Variants in FHIT observed in about 807,000 individuals in gnomAD.
FHIT encodes the protein bis(5'-adenosyl)-triphosphatase.
A neutral mutation model predicts 17.9 loss-of-function variants in FHIT; 19 were observed. The ratio of observed to expected loss-of-function variants is 1.06; its 90% CI spans 0.74 to 1.56. The LOEUF (loss-of-function observed/expected upper bound fraction) is 1.56, where lower values mean the gene tolerates loss of function less well. FHIT is among the 40% of genes most tolerant of loss of function. FHIT has a pLI of 0.00. For missense variants in FHIT, 248 were observed against 189.2 expected (o/e 1.31, Z -1.82); for synonymous variants, 81 against 69.7 (o/e 1.16, Z -0.81).
intron 5 of FHIT, among the ~76,000 whole-genome samples, chr3:60,345,131 G>A (rs1052682376): frequency 3.3e-5 from 5 of 152,092 alleles, no homozygotes; most frequent in African/African-American, 1.2e-4. Flanking sequence ...GTGTCATACT[G>A]GTAATGAACA....
chr3:60,333,604 C>T (rs548281090), intron 5 of FHIT, among the ~76,000 whole-genome samples: 2 of 152,070 alleles, frequency 1.3e-5, no homozygotes, highest in South Asian at 2.1e-4. Context: ...TATTGCATGT[C>T]ATATATATAC....
At chr3:60,915,709 G>C (rs1019496113) in intron 3 of FHIT, among the ~76,000 whole-genome samples, 16 of 152,136 alleles carry the variant, frequency 1.1e-4, no homozygotes, top group African/African-American at 3.9e-4. Context: ...AAACTTTTAG[G>C]TGTTCTAAAA....
intron 8 of FHIT, among the ~76,000 whole-genome samples, chr3:59,856,034 G>T (rs1341890099): frequency 6.6e-6 from 1 of 152,096 alleles, no homozygotes; most frequent in Non-Finnish European, 1.5e-5. Flanking sequence ...ACCCGCCTCG[G>T]CCTCCCAAAG....
rs139217610 is a variant in FHIT at position 60,188,457 on chromosome 3, T to C, written c.104-174305A>G. 4.6e-3 allele frequency among the ~76,000 whole-genome samples: 694 copies of C among 152,234 alleles called. 9 individuals carry two copies. The highest frequency in any genetic ancestry group is 0.017 in the Middle Eastern group (5 of 294). Reference sequence around the variant, plus strand: ...ATTATACACAACCAAGAGTTTAAATTGGATTCAATGTGTGTATGCTTTCCG... The same window carrying C: ...ATTATACACAACCAAGAGTTTAAATCGGATTCAATGTGTGTATGCTTTCCG... On this transcript the variant is annotated intron_variant, in intron 5 of 9. Transcript: ENST00000492590.
At chr3:60,218,089 T>A (rs895544485) in intron 5 of FHIT, among the ~76,000 whole-genome samples, 6 of 152,286 alleles carry the variant, frequency 3.9e-5, no homozygotes, top group East Asian at 1.9e-4. Flanking sequence ...TTTAAAAAAA[T>A]TTTAATTTCT....
At chr3:59,808,093 A>AC (rs57955915) in intron 8 of FHIT, among the ~76,000 whole-genome samples, 8,471 of 151,144 alleles carry the variant, frequency 0.056, 800 homozygotes, top group African/African-American at 0.19. Context: ...CCTTTCCCCT[A>AC]CCCCCCCAGT....
At chr3:59,841,924 A>G (rs549333350) in intron 8 of FHIT, among the ~76,000 whole-genome samples, 9 of 152,178 alleles carry the variant, frequency 5.9e-5, no homozygotes, top group African/African-American at 2.2e-4. Flanking sequence ...AAAATTTACT[A>G]TCTTGGCTAT....
intron 2 of FHIT, among the ~76,000 whole-genome samples, chr3:61,141,139 G>T (rs80201094): frequency 0.027 from 4,091 of 151,960 alleles, 67 homozygotes; most frequent in Middle Eastern, 0.041. Context: ...CTGTTTTAGG[G>T]AGATGTGAAG....
At chr3:60,535,121 G>A (rs1229121804) in intron 5 of FHIT, among the ~76,000 whole-genome samples, 1 of 152,198 alleles carries the variant, frequency 6.6e-6, no homozygotes, top group East Asian at 1.9e-4. Context: ...CTACTTGGGA[G>A]GCTGTGGCAC....
intron 5 of FHIT, among the ~76,000 whole-genome samples, chr3:60,151,246 A>C (rs889194034): frequency 1.3e-5 from 2 of 152,232 alleles, no homozygotes; most frequent in African/African-American, 4.8e-5. Flanking sequence ...AAGTCAGTAC[A>C]TAAATTATAT....
chr3:61,016,078 C>G (rs933581323), intron 3 of FHIT, among the ~76,000 whole-genome samples: 2 of 152,222 alleles, frequency 1.3e-5, no homozygotes, highest in African/African-American at 4.8e-5. Context: ...CACTTCCTAA[C>G]AGGCCCAAAG....
chr3:59,834,336 AT>A (rs1701265957), intron 8 of FHIT, among the ~76,000 whole-genome samples: 2 of 152,204 alleles, frequency 1.3e-5, no homozygotes, highest in African/African-American at 4.8e-5. Flanking sequence ...GGCAGAGTAT[AT>A]TTGTTAAACA....
Position 60,394,884 on chromosome 3 carries a change from G to T in FHIT, c.103+141976C>A, listed in dbSNP as rs574715671. Among the ~76,000 whole-genome samples, 11 of 152,292 alleles carry T rather than the reference G, an allele frequency of 7.2e-5. No individual in the cohort carries two copies. The South Asian group carries it at 2.3e-3, about 32-fold the overall frequency. ...ATCTGCAGCCGTGGCCATAAAAATA[G>T]AAGTAAATACATGACAAAGAAGTTG... On this transcript the variant is annotated intron_variant, in intron 5 of 9. Coordinates refer to ENST00000492590, the MANE Select transcript of FHIT (RefSeq NM_002012.4).
intron 5 of FHIT, among the ~76,000 whole-genome samples, chr3:60,422,846 C>T (rs972499993): frequency 6.6e-6 from 1 of 152,012 alleles, no homozygotes; most frequent in Non-Finnish European, 1.5e-5. Context: ...AATTCTTCAA[C>T]CTAGTTTAAA....
chr3:60,388,461 G>A (rs1701097507), intron 5 of FHIT, among the ~76,000 whole-genome samples: 1 of 151,964 alleles, frequency 6.6e-6, no homozygotes, highest in Non-Finnish European at 1.5e-5. Context: ...AATTAGCAGG[G>A]CCTGGTGGTC....
intron 5 of FHIT, among the ~76,000 whole-genome samples, chr3:60,047,889 T>C (rs1701715591): frequency 6.6e-6 from 1 of 152,190 alleles, no homozygotes; most frequent in Non-Finnish European, 1.5e-5. Context: ...ATCTGATGTA[T>C]TTTAAAATGT....
intron 4 of FHIT, among the ~76,000 whole-genome samples, chr3:60,729,484 A>G (rs2041984405): frequency 6.6e-6 from 1 of 152,230 alleles, no homozygotes; most frequent in Non-Finnish European, 1.5e-5. Context: ...TCTTACCTTT[A>G]AAAGCAAAAC....
intron 5 of FHIT, among the ~76,000 whole-genome samples, chr3:60,148,324 G>C (rs1374666644): frequency 6.6e-6 from 1 of 152,118 alleles, no homozygotes; most frequent in Non-Finnish European, 1.5e-5. Flanking sequence ...ATAGTACTTT[G>C]CACAAGTCAG....
intron 5 of FHIT, among the ~76,000 whole-genome samples, chr3:60,511,237 G>A (rs1033003868): frequency 2.0e-5 from 3 of 152,138 alleles, no homozygotes; most frequent in Non-Finnish European, 2.9e-5. Context: ...ATCGTACTGA[G>A]AATGGTGCTG....
Sources: gnomAD v4.1 joint callset for allele counts (sites outside exome capture counted in the v4.1 genomes callset) on GRCh38, gnomAD v4.1.1 for gene constraint, MANE v1.5 for transcripts, NCBI Gene and HGNC (gene_info 2026-07-23, HGNC 2026-07-21) for gene names.